The following ATF2 variants were observed in gnomAD, a reference collection of about 807,000 sequenced individuals.
ATF2 encodes the protein cyclic AMP-dependent transcription factor ATF-2.
Under a neutral mutation model 60.6 loss-of-function variants are expected in ATF2, and 24 were observed. The observed-to-expected ratio is 0.40, with a 90% CI of 0.29 to 0.56. The LOEUF is 0.56. Ranked by LOEUF, ATF2 falls within the 20% of genes least tolerant of loss-of-function variation. The pLI is 0.54. For synonymous variants in ATF2, 206 were observed against 215.4 expected (o/e 0.96, Z 0.38); for missense variants, 433 against 607.7 (o/e 0.71, Z 3.02).
intron 1 of ATF2, among the ~76,000 whole-genome samples, chr2:175,159,885 C>T (rs368226617): frequency 5.2e-4 from 79 of 152,272 alleles, no homozygotes; most frequent in African/African-American, 1.8e-3. Flanking sequence ...ATTATGTGGT[C>T]TAAGGTCCAT....
At position 175,151,063 on chromosome 2, in the gene ATF2, TC is replaced by T. The variant is rs770193894; in HGVS notation, c.-48del. The T allele has an allele frequency of 6.6e-6, 1 of 152,548 alleles. No homozygotes were observed. The highest frequency in any genetic ancestry group is 1.5e-5 in the Non-Finnish European group (1 of 67,996). 9.4% of individuals were successfully genotyped at this position (152,548 alleles called of 1,614,324 possible). On this transcript the variant is annotated 5_prime_UTR_variant, in exon 2 of 14. An upstream open reading frame in the 5' UTR gains an earlier in-frame stop. Transcript: ENST00000264110. Reference sequence around the variant, plus strand: ...TTAAAAGCTTAAAATCTCTTACCTTTCTAGCTGGTGGGCCATGAGCTTTATT... The same window carrying T: ...TTAAAAGCTTAAAATCTCTTACCTTTTAGCTGGTGGGCCATGAGCTTTATT...
At chr2:175,110,078 T>A (rs1029690247) in intron 10 of ATF2, among the ~76,000 whole-genome samples, 1 of 152,184 alleles carries the variant, frequency 6.6e-6, no homozygotes, top group Non-Finnish European at 1.5e-5. Context: ...GGCTCACGCC[T>A]GTAATCCCAA....
intron 13 of ATF2, among the ~76,000 whole-genome samples, chr2:175,078,097 A>G (rs1247279184): frequency 2.0e-5 from 3 of 152,206 alleles, no homozygotes; most frequent in Non-Finnish European, 2.9e-5. Flanking sequence ...CCTCCCAAGT[A>G]GCTGGGACTA....
At chr2:175,141,030 A>AAAAT (rs1698491252) in intron 2 of ATF2, among the ~76,000 whole-genome samples, 6 of 37,616 alleles carry the variant, frequency 1.6e-4, no homozygotes, top group Non-Finnish European at 2.6e-4. Context: ...AAAAAAAAAA[A>AAAAT]ATATATATAT....
intron 4 of ATF2, among the ~76,000 whole-genome samples, chr2:175,127,551 C>T (rs2105738197): frequency 6.6e-6 from 1 of 152,234 alleles, no homozygotes; most frequent in East Asian, 1.9e-4. Flanking sequence ...GAATAAAACC[C>T]AAACACCTTA....
Position 175,093,280 on chromosome 2 carries a change from G to T in ATF2, c.979-13C>A. ...GAGCTGGAGAAGCCTATTATAAACA[G>T]AGATGAAAGCCTGTTATATTTGTAT... On this transcript the variant is annotated splice_polypyrimidine_tract_variant and intron_variant, in intron 11 of 13. Coordinates refer to ENST00000264110, the MANE Select transcript of ATF2 (RefSeq NM_001880.4). 1 of 1,611,780 alleles carries T rather than the reference G, an allele frequency of 6.2e-7. No individual in the cohort carries two copies.
chr2:175,134,280 C>G (rs1402339539), intron 3 of ATF2, among the ~76,000 whole-genome samples: 1 of 151,966 alleles, frequency 6.6e-6, no homozygotes, highest in Non-Finnish European at 1.5e-5. Context: ...ATAGGTGATA[C>G]ACAAATATTA....
chr2:175,139,371 A>G (rs1698347090), intron 2 of ATF2, among the ~76,000 whole-genome samples: 1 of 152,182 alleles, frequency 6.6e-6, no homozygotes, highest in African/African-American at 2.4e-5. Flanking sequence ...CTACGCTCCA[A>G]GGTTTTAAAG....
intron 13 of ATF2, 62 bp from the exon 14 acceptor site, chr2:175,074,897 T>G (rs762248247): frequency 6.3e-7 from 1 of 1,594,990 alleles, no homozygotes; most frequent in East Asian, 2.2e-5. Context: ...ACCAGTATGC[T>G]GAGGCAATAC....
chr2:175,082,934 T>G (rs1693864441), intron 12 of ATF2, among the ~76,000 whole-genome samples: 2 of 151,924 alleles, frequency 1.3e-5, no homozygotes, highest in South Asian at 4.2e-4. Context: ...GAATCCAACT[T>G]ACAAGGGACG....
chr2:175,077,829 ATGAC>A (rs1312531990), intron 13 of ATF2, among the ~76,000 whole-genome samples: 1 of 152,124 alleles, frequency 6.6e-6, no homozygotes, highest in Non-Finnish European at 1.5e-5. Context: ...AGGGGAGAAA[ATGAC>A]TGGTGTAATC....
chr2:175,148,511 C>T (rs1469354955), intron 2 of ATF2, among the ~76,000 whole-genome samples: 1 of 152,096 alleles, frequency 6.6e-6, no homozygotes, highest in African/African-American at 2.4e-5. Flanking sequence ...TCCCTTGGCC[C>T]AGGGCATTCC....
intron 2 of ATF2, among the ~76,000 whole-genome samples, chr2:175,147,600 A>G (rs1158021675): frequency 6.6e-6 from 1 of 152,230 alleles, no homozygotes; most frequent in African/African-American, 2.4e-5. Flanking sequence ...TTTACTTTAT[A>G]AAAGTTATTT....
At chr2:175,095,647 A>G (rs1213546162) in intron 11 of ATF2, among the ~76,000 whole-genome samples, 5 of 152,194 alleles carry the variant, frequency 3.3e-5, no homozygotes, top group African/African-American at 1.2e-4. Context: ...TATTTCATTC[A>G]GAAAATCCTT....
intron 9 of ATF2, 122 bp downstream of exon 9, chr2:175,113,872 T>C: frequency 1.2e-6 from 1 of 850,868 alleles, no homozygotes; most frequent in African/African-American, 1.7e-5. Context: ...AAATAAATAC[T>C]ATCAACTGCT....
chr2:175,132,047 TCTC>T (rs1239174258), intron 3 of ATF2, among the ~76,000 whole-genome samples: 11 of 152,330 alleles, frequency 7.2e-5, no homozygotes, highest in South Asian at 4.1e-4. Context: ...ACAGCTGAAT[TCTC>T]CTATGTGCTT....
At chr2:175,122,212 C>A (rs1262653241) in intron 4 of ATF2, among the ~76,000 whole-genome samples, 1 of 151,768 alleles carries the variant, frequency 6.6e-6, no homozygotes. Context: ...TAAAGTTATC[C>A]ATCATATTTT....
At chr2:175,158,597 GA>G (rs1699831428) in intron 1 of ATF2, among the ~76,000 whole-genome samples, 1 of 152,008 alleles carries the variant, frequency 6.6e-6, no homozygotes, top group South Asian at 2.1e-4. Flanking sequence ...GGGAACACTG[GA>G]AACTGAGGTC....
At chr2:175,075,562 T>A (rs1484521939) in intron 13 of ATF2, among the ~76,000 whole-genome samples, 1 of 152,188 alleles carries the variant, frequency 6.6e-6, no homozygotes, top group Non-Finnish European at 1.5e-5. Context: ...AACAAGTCTC[T>A]TACATCCTTA....
Sources: gnomAD v4.1 joint callset for allele counts (sites outside exome capture counted in the v4.1 genomes callset) on GRCh38, gnomAD v4.1.1 for gene constraint, MANE v1.5 for transcripts, NCBI Gene and HGNC (gene_info 2026-07-23, HGNC 2026-07-21) for gene names.